The following DLG2 variants were observed in gnomAD, a reference collection of about 807,000 sequenced individuals.
The protein encoded by DLG2 is disks large homolog 2.
DLG2 carries 45 observed loss-of-function variants against 132.5 expected under a neutral mutation model. The observed-to-expected ratio is 0.34, with a 90% CI of 0.27 to 0.44. The LOEUF (loss-of-function observed/expected upper bound fraction) is 0.44, where lower values mean the gene tolerates loss of function less well. Ranked by LOEUF, DLG2 falls within the 20% of genes least tolerant of loss-of-function variation. The pLI is 1.00. For synonymous variants in DLG2, 424 were observed against 419.6 expected (o/e 1.01, Z -0.13); for missense variants, 1,045 against 1,196.9 (o/e 0.87, Z 1.87).
At chr11:83,819,491 AAG>A (rs2050116148) in intron 17 of DLG2, among the ~76,000 whole-genome samples, 6,549 of 88,628 alleles carry the variant, frequency 0.074, 825 homozygotes, top group African/African-American at 0.13. Flanking sequence ...AAAAAAAAAA[AAG>A]AAGAAAAGAA....
intron 6 of DLG2, among the ~76,000 whole-genome samples, chr11:84,756,570 T>TAACA (rs2066902382): frequency 6.6e-6 from 1 of 152,204 alleles, no homozygotes; most frequent in East Asian, 1.9e-4. Context: ...TAATTCCACT[T>TAACA]ACCTTAGAAG....
intron 3 of DLG2, among the ~76,000 whole-genome samples, chr11:85,433,090 A>G (rs2091282555): frequency 6.6e-6 from 1 of 152,240 alleles, no homozygotes; most frequent in Non-Finnish European, 1.5e-5. Context: ...CAAAGGAGAA[A>G]TAAAATCCTT....
intron 7 of DLG2, among the ~76,000 whole-genome samples, chr11:84,330,591 CTT>C (rs765617883): frequency 2.0e-5 from 3 of 152,088 alleles, no homozygotes; most frequent in Non-Finnish European, 2.9e-5. Context: ...TTGTGTAAGA[CTT>C]TGGTTTTTTG....
intron 11 of DLG2, among the ~76,000 whole-genome samples, chr11:84,044,013 C>T (rs147316370): frequency 2.6e-5 from 4 of 151,592 alleles, no homozygotes; most frequent in African/African-American, 7.2e-5. Context: ...CCTTTGCTCC[C>T]TCCCTCTCTT....
chr11:84,809,201 A>T (rs951596694), intron 6 of DLG2, among the ~76,000 whole-genome samples: 5 of 152,034 alleles, frequency 3.3e-5, no homozygotes, highest in Admixed American at 6.6e-5. Flanking sequence ...ATTCATTTCA[A>T]TCTATGCAGA....
chr11:85,357,830 A>G (rs1314121737), intron 3 of DLG2, among the ~76,000 whole-genome samples: 1 of 149,158 alleles, frequency 6.7e-6, no homozygotes. Context: ...GGTGAATGTT[A>G]TATTGCTCTT....
At chr11:84,420,885 G>C (rs1020068519) in intron 7 of DLG2, among the ~76,000 whole-genome samples, 2 of 151,362 alleles carry the variant, frequency 1.3e-5, no homozygotes, top group Non-Finnish European at 2.9e-5. Context: ...AGCCAGGATG[G>C]TCTCGATCTC....
chr11:83,539,565 G>A (rs1311044062), intron 20 of DLG2, among the ~76,000 whole-genome samples: 1 of 151,688 alleles, frequency 6.6e-6, no homozygotes, highest in Non-Finnish European at 1.5e-5. Flanking sequence ...AATACTTAAA[G>A]GAATAAAAGT....
chr11:84,496,791 G>T (rs1421277407), intron 7 of DLG2, among the ~76,000 whole-genome samples: 1 of 152,006 alleles, frequency 6.6e-6, no homozygotes, highest in African/African-American at 2.4e-5. Context: ...GAATAAAAAG[G>T]AAGCCCCATG....
At chr11:84,646,758 G>A (rs2099675489) in intron 6 of DLG2, among the ~76,000 whole-genome samples, 1 of 151,888 alleles carries the variant, frequency 6.6e-6, no homozygotes, top group South Asian at 2.1e-4. Context: ...GTCAGTTCCT[G>A]CTGAATTATA....
intron 11 of DLG2, among the ~76,000 whole-genome samples, chr11:84,009,553 G>T: frequency 6.6e-6 from 1 of 152,052 alleles, no homozygotes; most frequent in South Asian, 2.1e-4. Flanking sequence ...TTTATCAAAA[G>T]TGAGTTTTTA....
chr11:84,024,804 T>A (rs774960353), intron 11 of DLG2, among the ~76,000 whole-genome samples: 1 of 151,382 alleles, frequency 6.6e-6, no homozygotes, highest in Non-Finnish European at 1.5e-5. Flanking sequence ...ACAGGGGGAA[T>A]ATATTTTTTC....
intron 6 of DLG2, among the ~76,000 whole-genome samples, chr11:84,830,659 T>C (rs1311536617): frequency 6.6e-6 from 1 of 151,480 alleles, no homozygotes; most frequent in Non-Finnish European, 1.5e-5. Context: ...ATCCAAGATT[T>C]AAATGCAGGA....
intron 7 of DLG2, among the ~76,000 whole-genome samples, chr11:84,257,744 T>C (rs1461112653): frequency 6.7e-6 from 1 of 149,190 alleles, no homozygotes; most frequent in East Asian, 2.0e-4. Flanking sequence ...TGGAGTGCAG[T>C]AGTCCCATCT....
chr11:85,439,900 A>C (rs959995354), intron 3 of DLG2, among the ~76,000 whole-genome samples: 1 of 152,202 alleles, frequency 6.6e-6, no homozygotes, highest in Non-Finnish European at 1.5e-5. Flanking sequence ...TATAAAGTAT[A>C]GATTAGTGCC....
intron 14 of DLG2, among the ~76,000 whole-genome samples, chr11:83,960,267 T>C (rs1431931547): frequency 1.3e-5 from 2 of 152,050 alleles, no homozygotes; most frequent in African/African-American, 2.4e-5. Context: ...CTCATACTCA[T>C]TTAGCAGTAT....
intron 18 of DLG2, among the ~76,000 whole-genome samples, chr11:83,772,270 C>A (rs1370634967): frequency 1.3e-5 from 2 of 151,858 alleles, no homozygotes; most frequent in Non-Finnish European, 2.9e-5. Flanking sequence ...ATTGGCTGGG[C>A]ATGGTGATGT....
intron 11 of DLG2, among the ~76,000 whole-genome samples, chr11:84,025,297 T>C (rs1466736546): frequency 6.6e-6 from 1 of 152,044 alleles, no homozygotes; most frequent in East Asian, 1.9e-4. Flanking sequence ...GAGAGACTTG[T>C]TCAGGGAAAC....
At chr11:83,970,603 C>T (rs1403563422) in intron 12 of DLG2, among the ~76,000 whole-genome samples, 1 of 152,148 alleles carries the variant, frequency 6.6e-6, no homozygotes, top group Non-Finnish European at 1.5e-5. Flanking sequence ...TGCTTCCTAG[C>T]TGTGTGATTT....
Sources: allele counts gnomAD v4.1 joint callset (sites outside exome capture counted in the v4.1 genomes callset), GRCh38; gene constraint gnomAD v4.1.1; transcripts MANE v1.5; gene names NCBI Gene and HGNC (gene_info 2026-07-23, HGNC 2026-07-21).